The following OTOGL variants were observed in gnomAD, a reference collection of about 807,000 sequenced individuals.
OTOGL encodes the protein otogelin-like protein.
Under a neutral mutation model 318.5 loss-of-function variants are expected in OTOGL, and 285 were observed. That is an observed-to-expected ratio of 0.89 (90% confidence interval 0.81 to 0.99). The LOEUF is 0.99. Ranked by LOEUF, OTOGL falls within the 50% of genes least tolerant of loss-of-function variation. The pLI, the probability that OTOGL is intolerant of heterozygous loss-of-function variation, is 0.00. For synonymous variants in OTOGL, 987 were observed against 936.5 expected (o/e 1.05, Z -0.99); for missense variants, 2,899 against 2,845.6 (o/e 1.02, Z -0.43).
intron 28 of OTOGL, 129 bp from the exon 29 acceptor site, chr12:80,305,447 T>C (rs1311942463): frequency 1.2e-5 from 11 of 882,368 alleles, no homozygotes; most frequent in Non-Finnish European, 1.4e-5. Context: ...TTCAAGTTAA[T>C]TTTTAAAAAT....
At chr12:80,372,897 G>C (rs889517746) in intron 57 of OTOGL, among the ~76,000 whole-genome samples, 2 of 152,004 alleles carry the variant, frequency 1.3e-5, no homozygotes, top group Admixed American at 6.6e-5. Context: ...GTGTTGGCCA[G>C]GTTGGCCTCA....
intron 1 of OTOGL, among the ~76,000 whole-genome samples, chr12:80,150,661 C>T (rs1397994756): frequency 6.6e-6 from 1 of 152,112 alleles, no homozygotes; most frequent in Non-Finnish European, 1.5e-5. Flanking sequence ...TCAATAAGGG[C>T]CTTATAGTTA....
chr12:80,323,147 C>CAT (rs1170966532), intron 34 of OTOGL, among the ~76,000 whole-genome samples: 72 of 34,326 alleles, frequency 2.1e-3, no homozygotes, highest in African/African-American at 3.7e-3. Flanking sequence ...CACACACACA[C>CAT]ATATATAAAA....
intron 39 of OTOGL, 49 bp from the exon 40 acceptor site, chr12:80,336,364 A>G: frequency 6.7e-7 from 1 of 1,503,120 alleles, no homozygotes; most frequent in Non-Finnish European, 8.9e-7. Flanking sequence ...ATTATTACTG[A>G]AAATGCAGAT....
chr12:80,264,863 C>A, intron 19 of OTOGL, 138 bp from the exon 20 acceptor site: 1 of 900,504 alleles, frequency 1.1e-6, no homozygotes, highest in South Asian at 1.7e-5. Context: ...AAAACAAAAA[C>A]TGTATAAGCT....
At chr12:80,209,093 A>C (rs560223099) in intron 1 of OTOGL, among the ~76,000 whole-genome samples, 1 of 152,262 alleles carries the variant, frequency 6.6e-6, no homozygotes, top group African/African-American at 2.4e-5. Flanking sequence ...ATATCAAGAG[A>C]TATTTCTTTT....
intron 34 of OTOGL, among the ~76,000 whole-genome samples, chr12:80,321,900 C>T (rs1461294164): frequency 6.6e-6 from 1 of 152,166 alleles, no homozygotes; most frequent in Non-Finnish European, 1.5e-5. Context: ...GTCCTCTAGG[C>T]TCAGAAAAGC....
At chr12:80,367,245 G>T (rs897113956) in intron 53 of OTOGL, among the ~76,000 whole-genome samples, 1 of 151,516 alleles carries the variant, frequency 6.6e-6, no homozygotes, top group Admixed American at 6.6e-5. Context: ...AAAGTACTGG[G>T]ATTATAGGCA....
intron 1 of OTOGL, chr12:80,189,371 A>G: frequency 1.1e-6 from 1 of 929,392 alleles, no homozygotes; most frequent in Non-Finnish European, 1.3e-6. Flanking sequence ...GCCTCTGAGT[A>G]AAACAAAGAG....
At chr12:80,324,021 A>G (rs1224680288) in intron 35 of OTOGL, among the ~76,000 whole-genome samples, 181 bp downstream of exon 35, 2 of 152,244 alleles carry the variant, frequency 1.3e-5, no homozygotes, top group Non-Finnish European at 2.9e-5. Flanking sequence ...GTGGCAGGCA[A>G]TCTTCTTGCT....
intron 39 of OTOGL, 70 bp downstream of exon 39, chr12:80,336,210 G>A (rs945009674): frequency 2.1e-6 from 3 of 1,418,772 alleles, no homozygotes; most frequent in African/African-American, 3.0e-5. Flanking sequence ...TTACTTTTTT[G>A]AACCTTTCAC....
intron 9 of OTOGL, among the ~76,000 whole-genome samples, chr12:80,234,251 A>G (rs1247667242): frequency 1.3e-5 from 2 of 152,164 alleles, no homozygotes; most frequent in East Asian, 3.8e-4. Context: ...TGAGAGCACA[A>G]GGTGATGTGT....
chr12:80,237,210 T>TAC (rs1879945935), intron 9 of OTOGL, among the ~76,000 whole-genome samples: 1 of 152,192 alleles, frequency 6.6e-6, no homozygotes, highest in South Asian at 2.1e-4. Context: ...TTTGAGTACC[T>TAC]ACTATATGCC....
At chr12:80,327,404 C>T (rs1887744178) in intron 35 of OTOGL, among the ~76,000 whole-genome samples, 1 of 152,076 alleles carries the variant, frequency 6.6e-6, no homozygotes, top group Admixed American at 6.6e-5. Flanking sequence ...CATGTCCTTC[C>T]AGGGCACTGC....
intron 19 of OTOGL, 121 bp from the exon 20 acceptor site, chr12:80,264,880 G>A: frequency 9.8e-7 from 1 of 1,019,632 alleles, no homozygotes; most frequent in Non-Finnish European, 1.5e-6. Context: ...AGCTGAAATT[G>A]TTCACTCTTG....
At chr12:80,212,079 C>G in intron 4 of OTOGL, 82 bp downstream of exon 4, 1 of 1,333,932 alleles carries the variant, frequency 7.5e-7, no homozygotes, top group Non-Finnish European at 1.0e-6. Context: ...AACAATGAGA[C>G]CTTTGTGGAG....
chr12:80,188,075 CTTT>C (rs1176055408), intron 1 of OTOGL, among the ~76,000 whole-genome samples: 1 of 152,054 alleles, frequency 6.6e-6, no homozygotes, highest in Non-Finnish European at 1.5e-5. Context: ...GTTGAGATTT[CTTT>C]TTAATTGTCA....
chr12:80,353,565 A>C, intron 46 of OTOGL, 55 bp downstream of exon 46: 1 of 1,286,178 alleles, frequency 7.8e-7, no homozygotes, highest in South Asian at 2.2e-5. Context: ...AAACAAAAAC[A>C]TTTTTTAGAT....
At chr12:80,159,274 G>A (rs1003672759) in intron 1 of OTOGL, among the ~76,000 whole-genome samples, 1 of 151,976 alleles carries the variant, frequency 6.6e-6, no homozygotes, top group African/African-American at 2.4e-5. Context: ...TGTTCATCAG[G>A]GATACTGGTC....
Sources: allele counts gnomAD v4.1 joint callset (sites outside exome capture counted in the v4.1 genomes callset), GRCh38; gene constraint gnomAD v4.1.1; transcripts MANE v1.5; gene names NCBI Gene and HGNC (gene_info 2026-07-23, HGNC 2026-07-21).